The following BOK variants were observed in gnomAD, a reference collection of about 807,000 sequenced individuals.
BOK encodes the protein bcl-2-related ovarian killer protein.
A neutral mutation model predicts 18.3 loss-of-function variants in BOK; 20 were observed. The observed-to-expected ratio is 1.09, with a 90% CI of 0.77 to 1.59. BOK has a LOEUF of 1.59. Ranked by LOEUF, BOK falls within the 40% of genes most tolerant of loss-of-function variation. BOK has a pLI of 0.00. For missense variants in BOK, 348 were observed against 307.9 expected, an observed-to-expected ratio of 1.13 and a Z score of -0.97; for synonymous variants, 173 against 142.4, an observed-to-expected ratio of 1.21 and a Z score of -1.53.
chr2:241,561,953 C>A (rs1000999794), intron 2 of BOK, among the ~76,000 whole-genome samples: 1 of 152,254 alleles, frequency 6.6e-6, no homozygotes, highest in Non-Finnish European at 1.5e-5. Flanking sequence ...CAGCCCCTCC[C>A]CACGTCGGGG....
At position 241,559,802 on chromosome 2, in the gene BOK, AC is replaced by A. The variant is rs572864019; in HGVS notation, c.220+104del. On this transcript the variant is annotated intron_variant, in intron 2 of 4. Coordinates refer to ENST00000318407, the MANE Select transcript of BOK (RefSeq NM_032515.5). ...ATGGGGGTCCGGCCCAGGGGCGCCC[AC>A]CCCCTGCCTGGGACGGCCAGGCGCT... The A allele has an allele frequency of 8.2e-4, 1,001 of 1,218,470 alleles. 4 individuals carry two copies. In the African/African-American group the frequency reaches 0.012, roughly 15 times the overall value. 75.5% of individuals were successfully genotyped at this position (1,218,470 alleles called of 1,614,324 possible). A position where few individuals can be genotyped will look rare whatever the true frequency, so the allele number is the denominator to read the frequency against.
In BOK at chr2:241,572,425, T is replaced by A; in HGVS notation, c.*3T>A. 1 of 1,595,856 alleles carries A rather than the reference T, an allele frequency of 6.3e-7. No individual in the cohort carries two copies. The highest frequency in any genetic ancestry group is 1.7e-4 in the Middle Eastern group (1 of 6,028). ...TCGTGCTGCTGCCAGAGAGATGAGC[T>A]GCCCACCTGGCAGTGGCCGCAGCCT... On this transcript the variant is annotated 3_prime_UTR_variant, in exon 5 of 5. Transcript: ENST00000318407.
At chr2:241,572,132 T>C (rs6757912) in intron 4 of BOK, among the ~76,000 whole-genome samples, 165 bp from the exon 5 acceptor site, 54,539 of 152,182 alleles carry the variant, frequency 0.36, 10,432 homozygotes, top group East Asian at 0.66. Context: ...TGGTCTTGTG[T>C]TGGAGCCTTC....
At chr2:241,557,042 T>C (rs2066458078), upstream of BOK, among the ~76,000 whole-genome samples, 1 of 152,224 alleles carries the variant, frequency 6.6e-6, no homozygotes, top group Non-Finnish European at 1.5e-5. Context: ...CTTTAATGCT[T>C]GTAGTATCTA....
chr2:241,559,892 C>T (rs1427408226), intron 2 of BOK, among the ~76,000 whole-genome samples, 189 bp downstream of exon 2: 1 of 150,004 alleles, frequency 6.7e-6, no homozygotes, highest in Non-Finnish European at 1.5e-5. Context: ...ACGCCACAGG[C>T]CCCCCCATCA....
intron 3 of BOK, among the ~76,000 whole-genome samples, chr2:241,563,572 A>G (rs2066565111): frequency 6.6e-6 from 1 of 152,186 alleles, no homozygotes; most frequent in South Asian, 2.1e-4. Flanking sequence ...GAGGAGGGGC[A>G]TGCTGTTCCC....
At chr2:241,560,545 C>G (rs538755381) in intron 2 of BOK, among the ~76,000 whole-genome samples, 1 of 152,222 alleles carries the variant, frequency 6.6e-6, no homozygotes, top group African/African-American at 2.4e-5. Context: ...CCTGCCCTTA[C>G]GTGGTGGGCT....
chr2:241,573,974 CACCT>C lies in BOK; in HGVS notation c.*1553_*1556del. ...GGGGAGGCCTGGCCTAGCAGCCACC[CACCT>C]GAGCCCTCCCGGCCAGGCTTCGTGC... On this transcript the variant is annotated 3_prime_UTR_variant, in exon 5 of 5. Transcript: ENST00000318407. 1 of 152,452 alleles carries C rather than the reference CACCT, an allele frequency of 6.6e-6. No individual in the cohort carries two copies. Among genetic ancestry groups the C allele is most frequent in the East Asian group, 1.9e-4 (1 of 5,184 alleles). 9.4% of individuals were successfully genotyped at this position (152,452 alleles called of 1,614,324 possible). A position where few individuals can be genotyped will look rare whatever the true frequency, so the allele number is the denominator to read the frequency against.
intron 3 of BOK, among the ~76,000 whole-genome samples, chr2:241,569,194 G>A (rs545549149): frequency 6.6e-6 from 1 of 152,316 alleles, no homozygotes; most frequent in South Asian, 2.1e-4. Flanking sequence ...GTACTGGCGC[G>A]ATCTCAGCTC....
In BOK at chr2:241,559,539, A is replaced by T; in HGVS notation, c.56A>T (p.Asp19Val). The change falls in exon 2 of 5, where the codon GAC (aspartate) becomes GTC (valine). Residue 19 changes from aspartate (D) to valine (V), a missense_variant. Physicochemically the swap from Asp to Val is radical, Grantham distance 152 (BLOSUM62 -3). Coordinates refer to ENST00000318407, the MANE Select transcript of BOK (RefSeq NM_032515.5). Reference protein sequence around the residue: ...VFAAEIMDAFDRSPTDKELVA... With the variant: ...VFAAEIMDAFVRSPTDKELVA... Reference sequence around the variant, plus strand: ...GCCGCCGAGATCATGGACGCCTTTGACCGCTCGCCCACAGACAAGGAGCTG... The same window carrying T: ...GCCGCCGAGATCATGGACGCCTTTGTCCGCTCGCCCACAGACAAGGAGCTG... The T allele has an allele frequency of 6.6e-7, 1 of 1,524,712 alleles. No homozygotes were observed. Among genetic ancestry groups the T allele is most frequent in the Non-Finnish European group, 8.7e-7 (1 of 1,145,146 alleles). The allele number at this position is 1,524,712 out of a possible 1,614,324, so 94.4% of individuals were successfully genotyped here.
intron 3 of BOK, among the ~76,000 whole-genome samples, chr2:241,564,844 G>A (rs1223832025): frequency 6.6e-6 from 1 of 152,224 alleles, no homozygotes; most frequent in Non-Finnish European, 1.5e-5. Context: ...GGCTTTAAAA[G>A]GAACAGTCAT....
intron 3 of BOK, among the ~76,000 whole-genome samples, chr2:241,563,892 G>A (rs930768943): frequency 1.3e-5 from 2 of 152,214 alleles, no homozygotes; most frequent in Non-Finnish European, 2.9e-5. Context: ...GGAGTGTGAG[G>A]ACCACTGCCT....
chr2:241,565,020 G>C (rs954158963), intron 3 of BOK, among the ~76,000 whole-genome samples: 13 of 152,290 alleles, frequency 8.5e-5, no homozygotes, highest in African/African-American at 3.1e-4. Context: ...GAGGGCACCT[G>C]GGGGCCAGGG....
intron 4 of BOK, among the ~76,000 whole-genome samples, chr2:241,571,908 GA>G (rs1166156915): frequency 5.9e-5 from 9 of 152,362 alleles, no homozygotes; most frequent in African/African-American, 2.2e-4. Context: ...ACAGGAGGAT[GA>G]CGGCGGCATA....
At position 241,568,578 on chromosome 2, in the gene BOK, C is replaced by T. The variant is rs181799882; in HGVS notation, c.350-1547C>T. On this transcript the variant is annotated intron_variant, in intron 3 of 4. Transcript: ENST00000318407. ...GATTACAGGCGCCCACCACCATATC[C>T]GGCTAATTTTTGTATTTTTAGTAGA... Among the ~76,000 whole-genome samples the T allele has an allele frequency of 2.8e-4, 42 of 152,122 alleles. No homozygotes were observed. The East Asian group carries it at 5.6e-3, about 20-fold the overall frequency.
chr2:241,553,884 A>G (rs2066432115), upstream of BOK, among the ~76,000 whole-genome samples: 1 of 152,124 alleles, frequency 6.6e-6, no homozygotes, highest in Admixed American at 6.5e-5. Flanking sequence ...GTCACTGGAG[A>G]CAGGGAGGGG....
At chr2:241,568,621 T>C (rs2066654784) in intron 3 of BOK, among the ~76,000 whole-genome samples, 1 of 152,192 alleles carries the variant, frequency 6.6e-6, no homozygotes, top group South Asian at 2.1e-4. Context: ...TTTCACCATG[T>C]TGGCCGGGCT....
chr2:241,568,977 C>G (rs1270702324), intron 3 of BOK, among the ~76,000 whole-genome samples: 1 of 150,544 alleles, frequency 6.6e-6, no homozygotes, highest in African/African-American at 2.5e-5. Context: ...CTGACTCCCT[C>G]CGGGGACCGC....
Position 241,562,380 on chromosome 2 carries a change from T to C in BOK, c.253T>C (p.Tyr85His). 6.2e-7 allele frequency: 1 copy of C among 1,611,424 alleles called. No homozygotes were observed. Among genetic ancestry groups the C allele is most frequent in the South Asian group, 1.1e-5 (1 of 90,980 alleles). The stretch of plus-strand genomic sequence containing the variant: ...GCTGGAGATGATCCGGCCCAGCGTC[T>C]ACCGCAACGTGGCGCGTCAGCTGCA... ...DELEMIRPSV[Y>H]RNVARQLHIS... Residue 85 changes from tyrosine (Y) to histidine (H), a missense_variant, in exon 3 of 5, where the codon TAC becomes CAC. Physicochemically the swap from Tyr to His is moderately conservative, Grantham distance 83. Transcript: ENST00000318407. The surrounding 1 kb of genome is among the most constrained non-coding windows in gnomAD (Gnocchi z 4.5).
Sources: allele counts gnomAD v4.1 joint callset (sites outside exome capture counted in the v4.1 genomes callset), GRCh38; gene constraint gnomAD v4.1.1; non-coding constraint Gnocchi (gnomAD v3.1); transcripts MANE v1.5; gene names NCBI Gene and HGNC (gene_info 2026-07-23, HGNC 2026-07-21).